DPP10: variants seen among roughly 807,000 people sequenced by gnomAD.
DPP10 encodes the protein inactive dipeptidyl peptidase 10.
Under a neutral mutation model 120.9 loss-of-function variants are expected in DPP10, and 33 were observed. The observed-to-expected ratio is 0.27, with a 90% CI of 0.21 to 0.37. The LOEUF (loss-of-function observed/expected upper bound fraction) is 0.37, where lower values mean the gene tolerates loss of function less well. Among genes scored for constraint, DPP10 ranks in the 10% least tolerant of loss-of-function variants. DPP10 has a pLI of 1.00. For synonymous variants in DPP10, 337 were observed against 326.1 expected (o/e 1.03, Z -0.36); for missense variants, 816 against 942.8 (o/e 0.87, Z 1.76).
At chr2:115,642,407 A>T (rs2086860339) in intron 5 of DPP10, among the ~76,000 whole-genome samples, 1 of 152,270 alleles carries the variant, frequency 6.6e-6, no homozygotes, top group Admixed American at 6.5e-5. Context: ...TCAGAAAAAA[A>T]TTGACCTTCC....
At chr2:115,236,921 G>A (rs758220537) in intron 1 of DPP10, among the ~76,000 whole-genome samples, 11 of 152,080 alleles carry the variant, frequency 7.2e-5, no homozygotes, top group South Asian at 4.1e-4. Context: ...TTACATTTAC[G>A]GCCTAGGTTC....
At chr2:115,704,217 T>G (rs1328213103) in intron 7 of DPP10, among the ~76,000 whole-genome samples, 1 of 151,900 alleles carries the variant, frequency 6.6e-6, no homozygotes, top group African/African-American at 2.4e-5. Flanking sequence ...CTCTGAGTCA[T>G]TCCTCTTGGT....
intron 5 of DPP10, among the ~76,000 whole-genome samples, chr2:115,585,408 A>G (rs2082227205): frequency 6.6e-6 from 1 of 152,228 alleles, no homozygotes; most frequent in African/African-American, 2.4e-5. Context: ...ACATAAAAGT[A>G]GGTTTTATTT....
chr2:114,898,602 G>A (rs1039325711), intron 1 of DPP10, among the ~76,000 whole-genome samples: 2 of 152,102 alleles, frequency 1.3e-5, no homozygotes, highest in African/African-American at 4.8e-5. Context: ...AAATCTAAAT[G>A]TAGCAGTAAT....
At chr2:114,689,710 G>A (rs1316801781) in intron 1 of DPP10, among the ~76,000 whole-genome samples, 2 of 152,040 alleles carry the variant, frequency 1.3e-5, no homozygotes, top group African/African-American at 2.4e-5. Flanking sequence ...CAGTGTGAAA[G>A]CATTCCTTTT....
intron 3 of DPP10, among the ~76,000 whole-genome samples, chr2:115,374,664 A>G (rs2065655950): frequency 6.6e-6 from 1 of 152,172 alleles, no homozygotes; most frequent in Non-Finnish European, 1.5e-5. Flanking sequence ...AGGCGTTTCC[A>G]TATGTCATCT....
intron 1 of DPP10, among the ~76,000 whole-genome samples, chr2:114,604,823 T>C (rs1228719630): frequency 6.6e-6 from 1 of 152,116 alleles, no homozygotes; most frequent in African/African-American, 2.4e-5. Context: ...TCTGTGTCTG[T>C]CTCTTTCTTT....
chr2:115,103,162 C>T (rs1474612466), intron 1 of DPP10, among the ~76,000 whole-genome samples: 5 of 150,798 alleles, frequency 3.3e-5, no homozygotes, highest in African/African-American at 1.2e-4. Context: ...TATTCTCCTT[C>T]AGACAATGAT....
intron 13 of DPP10, 112 bp downstream of exon 13, chr2:115,768,516 A>G (rs1681074161): frequency 3.6e-6 from 3 of 829,232 alleles, no homozygotes; most frequent in Non-Finnish European, 5.7e-6. Context: ...CCAGCCATAT[A>G]TACAACTCAC....
intron 1 of DPP10, among the ~76,000 whole-genome samples, chr2:114,777,406 C>T (rs1681857224): frequency 6.6e-6 from 1 of 150,488 alleles, no homozygotes; most frequent in South Asian, 2.1e-4. Flanking sequence ...TTTTCAGGGC[C>T]CTTTTTTGAG....
chr2:114,687,184 C>A (rs1699427913), intron 1 of DPP10, among the ~76,000 whole-genome samples: 3 of 151,974 alleles, frequency 2.0e-5, no homozygotes, highest in South Asian at 4.1e-4. Flanking sequence ...TGGCTTGAAC[C>A]TTTCCAGTTG....
intron 11 of DPP10, 49 bp from the exon 12 acceptor site, chr2:115,762,523 G>T: frequency 6.2e-7 from 1 of 1,604,784 alleles, no homozygotes; most frequent in Non-Finnish European, 8.5e-7. Context: ...ATTTATATAT[G>T]CTCATTTTGG....
chr2:115,092,625 A>T (rs566913579), intron 1 of DPP10, among the ~76,000 whole-genome samples: 16 of 152,198 alleles, frequency 1.1e-4, no homozygotes, highest in Non-Finnish European at 2.1e-4. Flanking sequence ...AAATAAAAAA[A>T]GTAACATTTG....
At chr2:114,708,781 A>G (rs1174325890) in intron 1 of DPP10, among the ~76,000 whole-genome samples, 1 of 151,926 alleles carries the variant, frequency 6.6e-6, no homozygotes, top group Admixed American at 6.6e-5. Flanking sequence ...TTTGAGATGG[A>G]GTCTCACTCT....
At chr2:115,769,942 C>A (rs555700945) in intron 13 of DPP10, among the ~76,000 whole-genome samples, 1 of 138,194 alleles carries the variant, frequency 7.2e-6, no homozygotes, top group African/African-American at 2.7e-5. Flanking sequence ...ATTTTATATT[C>A]TAGAAGCTCT....
chr2:115,658,339 T>C (rs1164528614), intron 5 of DPP10, among the ~76,000 whole-genome samples: 1 of 152,070 alleles, frequency 6.6e-6, no homozygotes, highest in African/African-American at 2.4e-5. Flanking sequence ...CATTTCCTTG[T>C]TCTTTCTCCA....
intron 1 of DPP10, among the ~76,000 whole-genome samples, chr2:115,103,068 A>G (rs1312615394): frequency 6.6e-6 from 1 of 152,222 alleles, no homozygotes. Context: ...GCTATAAAAA[A>G]TGAACTCTAA....
chr2:114,842,858 AAGAG>A (rs941024252), intron 1 of DPP10, among the ~76,000 whole-genome samples: 2 of 136,728 alleles, frequency 1.5e-5, no homozygotes, highest in Non-Finnish European at 2.9e-5. Context: ...GGAGACAAAA[AAGAG>A]AGAGAGAGTT....
intron 5 of DPP10, among the ~76,000 whole-genome samples, chr2:115,679,209 G>T (rs959554839): frequency 2.6e-5 from 4 of 151,860 alleles, no homozygotes; most frequent in African/African-American, 9.7e-5. Context: ...GGGGTGCATG[G>T]GTGGAATGAT....
Sources: gnomAD v4.1 joint callset for allele counts (sites outside exome capture counted in the v4.1 genomes callset) on GRCh38, gnomAD v4.1.1 for gene constraint, MANE v1.5 for transcripts, NCBI Gene and HGNC (gene_info 2026-07-23, HGNC 2026-07-21) for gene names.